TENM1: variants seen among roughly 807,000 people sequenced by gnomAD.
TENM1 encodes the protein teneurin transmembrane protein 1, also known as teneurin-1.
A neutral mutation model predicts 174.8 loss-of-function variants in TENM1; 35 were observed. The observed-to-expected ratio is 0.20, with a 90% CI of 0.15 to 0.27. The LOEUF (loss-of-function observed/expected upper bound fraction) is 0.27. TENM1 is among the 10% of genes least tolerant of loss of function. The probability of loss-of-function intolerance (pLI) is 1.00; values close to 1 mark genes in which losing one functional copy is unlikely to be tolerated. For missense variants in TENM1, 1,633 were observed against 2,130.1 expected, an observed-to-expected ratio of 0.77 and a Z score of 4.59; for synonymous variants, 781 against 798.7, an observed-to-expected ratio of 0.98 and a Z score of 0.37.
At chrX:124,995,955 A>T in the TENM1 span, among the ~76,000 whole-genome samples, 1 of 111,355 alleles carries the variant, frequency 9.0e-6, no homozygotes, top group Non-Finnish European at 1.9e-5. Flanking sequence ...AAGGAAAAAA[A>T]ACCAAAGAGA....
At chrX:124,886,548 T>TAGAGAGAG (rs57122660) in intron 3 of TENM1, among the ~76,000 whole-genome samples, 20 of 59,971 alleles carry the variant, frequency 3.3e-4, no homozygotes, top group East Asian at 1.1e-3. Context: ...TATATATATA[T>TAGAGAGAG]AGAGAGAGAG....
intron 11 of TENM1, among the ~76,000 whole-genome samples, chrX:124,600,016 GTA>G (rs200188371): frequency 1.9e-4 from 21 of 109,329 alleles, no homozygotes; most frequent in African/African-American, 5.7e-4. Flanking sequence ...AAATTAGTAT[GTA>G]TATATATATG....
At chrX:125,021,103 G>T in the TENM1 span, among the ~76,000 whole-genome samples, 1 of 108,698 alleles carries the variant, frequency 9.2e-6, no homozygotes, top group Admixed American at 9.8e-5. Context: ...AAGAAATTAG[G>T]TTTTTTTTGC....
intron 11 of TENM1, among the ~76,000 whole-genome samples, chrX:124,619,829 A>G (rs1226268580): frequency 8.9e-6 from 1 of 112,041 alleles, no homozygotes; most frequent in Non-Finnish European, 1.9e-5. Flanking sequence ...AGATTTCAGA[A>G]TGGCTCATAG....
At chrX:124,705,079 T>C in exon 5 of TENM1, 1 of 1,211,413 alleles carries the variant, frequency 8.3e-7, no homozygotes, top group Non-Finnish European at 1.1e-6. Context: ...GCTGTGCACT[T>C]CCAGTTGCAG....
chrX:124,775,550 A>T (rs913985086), intron 3 of TENM1, among the ~76,000 whole-genome samples: 12 of 111,867 alleles, frequency 1.1e-4, no homozygotes, highest in African/African-American at 3.9e-4. Context: ...TCTGGAAAAG[A>T]TTATCTTGTC....
chrX:124,713,982 T>A (rs1343388994), intron 4 of TENM1, among the ~76,000 whole-genome samples: 1 of 112,405 alleles, frequency 8.9e-6, no homozygotes, highest in Admixed American at 9.4e-5. Flanking sequence ...CATGAAAGAA[T>A]TACTATTAAT....
chrX:124,919,440 C>A (rs1386121573), intron 1 of TENM1, among the ~76,000 whole-genome samples: 1 of 111,864 alleles, frequency 8.9e-6, no homozygotes, highest in East Asian at 2.8e-4. Flanking sequence ...GCACAAAAAG[C>A]AATTCATAGA....
intron 23 of TENM1, among the ~76,000 whole-genome samples, chrX:124,452,003 A>G (rs1310228192): frequency 8.9e-6 from 1 of 112,315 alleles, no homozygotes; most frequent in Non-Finnish European, 1.9e-5. Context: ...AATGGCAACA[A>G]AAGCCAAAAT....
At chrX:124,662,967 A>C (rs2051650791) in intron 6 of TENM1, among the ~76,000 whole-genome samples, 1 of 111,692 alleles carries the variant, frequency 9.0e-6, no homozygotes, top group Admixed American at 9.5e-5. Flanking sequence ...GTACAGTTAA[A>C]GTAGCAGCTT....
intron 28 of TENM1, among the ~76,000 whole-genome samples, chrX:124,391,676 A>T (rs1262375368): frequency 8.9e-6 from 1 of 111,947 alleles, no homozygotes; most frequent in Non-Finnish European, 1.9e-5. Context: ...CTGGGTAAAA[A>T]GCCCTTTACC....
chrX:124,741,458 A>G (rs2053796878), intron 3 of TENM1, among the ~76,000 whole-genome samples: 1 of 111,780 alleles, frequency 8.9e-6, no homozygotes, highest in Non-Finnish European at 1.9e-5. Flanking sequence ...GCACTATGCA[A>G]AATCACACCT....
intron 6 of TENM1, among the ~76,000 whole-genome samples, chrX:124,663,751 G>GTT (rs60541515): frequency 5.5e-4 from 52 of 93,925 alleles, no homozygotes; most frequent in African/African-American, 1.3e-3. Flanking sequence ...GTGTGTATTA[G>GTT]TTTTTTTTTT....
At chrX:124,737,087 G>A (rs757075888) in exon 4 of TENM1, 2 of 1,211,417 alleles carry the variant, frequency 1.7e-6, no homozygotes, top group South Asian at 3.5e-5. Context: ...CTCCTCTGAA[G>A]AGAGTCCGCT....
the TENM1 span, among the ~76,000 whole-genome samples, chrX:125,051,977 T>G: frequency 1.8e-5 from 2 of 109,841 alleles, no homozygotes; most frequent in Non-Finnish European, 3.8e-5. Flanking sequence ...GAATCTACAA[T>G]GAACTCAAAC....
chrX:124,437,949 T>C (rs2060861380), intron 23 of TENM1, among the ~76,000 whole-genome samples: 1 of 112,210 alleles, frequency 8.9e-6, no homozygotes, highest in Non-Finnish European at 1.9e-5. Flanking sequence ...AACTTTCTCT[T>C]TGAGTTGTAT....
chrX:124,856,300 T>A (rs115649346), intron 3 of TENM1, among the ~76,000 whole-genome samples: 1,859 of 110,842 alleles, frequency 0.017, 26 homozygotes, highest in African/African-American at 0.058. Flanking sequence ...CCTTAAGGCA[T>A]CCTTTAAAAT....
At chrX:125,046,282 T>C in the TENM1 span, among the ~76,000 whole-genome samples, 1 of 112,327 alleles carries the variant, frequency 8.9e-6, no homozygotes, top group Non-Finnish European at 1.9e-5. Context: ...TCCTTGACTT[T>C]AGTCAAAAAA....
chrX:125,076,050 G>C, the TENM1 span, among the ~76,000 whole-genome samples: 3 of 111,735 alleles, frequency 2.7e-5, no homozygotes, highest in Non-Finnish European at 5.7e-5. Context: ...GAAAAAGTAA[G>C]ATTTCTATAT....
Sources: allele counts gnomAD v4.1 joint callset (sites outside exome capture counted in the v4.1 genomes callset), GRCh38; gene constraint gnomAD v4.1.1; transcripts MANE v1.5; gene names NCBI Gene and HGNC (gene_info 2026-07-23, HGNC 2026-07-21).